LRP1B: variants seen among roughly 807,000 people sequenced by gnomAD.
LRP1B encodes the protein LDL receptor related protein 1B, also known as low-density lipoprotein receptor-related protein 1B.
In LRP1B, 217 loss-of-function variants were observed where a neutral mutation model predicts 556.6. That is an observed-to-expected ratio of 0.39 (90% CI 0.35 to 0.44). The LOEUF (loss-of-function observed/expected upper bound fraction) is 0.44, where lower values mean the gene tolerates loss of function less well. Ranked by LOEUF, LRP1B falls within the 20% of genes least tolerant of loss-of-function variation. The pLI, the probability that LRP1B is intolerant of heterozygous loss-of-function variation, is 1.00. For synonymous variants in LRP1B, 2,047 were observed against 1,865.8 expected (o/e 1.10, Z -2.50); for missense variants, 5,053 against 5,620.8 (o/e 0.90, Z 3.23).
intron 4 of LRP1B, among the ~76,000 whole-genome samples, chr2:141,251,075 C>T (rs1684243155): frequency 6.6e-6 from 1 of 152,078 alleles, no homozygotes; most frequent in African/African-American, 2.4e-5. Context: ...AGGAAAAGAG[C>T]TGAGTTTTAC....
At chr2:140,354,650 A>G (rs1682128228) in intron 75 of LRP1B, among the ~76,000 whole-genome samples, 2 of 151,748 alleles carry the variant, frequency 1.3e-5, no homozygotes, top group Admixed American at 6.6e-5. Context: ...TACAACCTCA[A>G]CTTCCTCACT....
Position 141,538,741 on chromosome 2 carries a change from C to T in LRP1B, c.206-58208G>A, listed in dbSNP as rs1053664761. ...TTTAACCTCCACCTCCCGATTCAAG[C>T]AATTCTTGTGCTTTAGCCTCCCAAG... is the stretch of plus-strand genomic sequence containing the variant. On this transcript the variant is annotated intron_variant, in intron 2 of 90. Transcript: ENST00000389484. Among the ~76,000 whole-genome samples, 8 of 151,952 alleles carry T rather than the reference C, an allele frequency of 5.3e-5. No homozygotes were observed. The South Asian group carries it at 1.5e-3, about 28-fold the overall frequency.
At position 140,270,293 on chromosome 2, in the gene LRP1B, T is replaced by C. The variant is rs2104943862; in HGVS notation, c.13196A>G (p.Tyr4399Cys). The C allele has an allele frequency of 6.2e-7, 1 of 1,612,244 alleles. No individual in the cohort carries two copies. The highest frequency in any genetic ancestry group is 8.5e-7 in the Non-Finnish European group (1 of 1,178,752). The change falls in exon 86 of 91, where the codon TAC (tyrosine) becomes TGC (cysteine). Residue 4399 changes from tyrosine (Y) to cysteine (C), a missense_variant. Physicochemically the swap from Tyr to Cys is radical, Grantham distance 194. This residue lies in a region of LRP1B where 551 missense variants were observed against 592.0 expected (regional missense o/e 0.93). Coordinates refer to ENST00000389484, the MANE Select transcript of LRP1B (RefSeq NM_018557.3). ...SSCQLCDGYC[Y>C]NGGTCQLDPE... is the part of the protein sequence containing the mutation. ...GTCCAGCTGGCATGTGCCACCATTG[T>C]AACAGTAGCCATCACATAACTGACA...
intron 35 of LRP1B, among the ~76,000 whole-genome samples, chr2:140,734,992 A>G (rs932812535): frequency 2.0e-5 from 3 of 152,174 alleles, no homozygotes; most frequent in African/African-American, 7.2e-5. Context: ...ACAATCTTAC[A>G]TATCTAATCC....
At chr2:140,876,319 A>G (rs1025826673) in intron 25 of LRP1B, among the ~76,000 whole-genome samples, 2 of 152,148 alleles carry the variant, frequency 1.3e-5, no homozygotes, top group Non-Finnish European at 2.9e-5. Flanking sequence ...CACAATTTGG[A>G]GCATGTTTGT....
intron 2 of LRP1B, among the ~76,000 whole-genome samples, chr2:141,754,163 T>A (rs1354095706): frequency 6.6e-6 from 1 of 152,150 alleles, no homozygotes; most frequent in Non-Finnish European, 1.5e-5. Flanking sequence ...GGCATATCCC[T>A]AGAGTCTTCC....
chr2:140,799,869 G>A (rs1690445753), intron 32 of LRP1B, among the ~76,000 whole-genome samples: 1 of 152,082 alleles, frequency 6.6e-6, no homozygotes, highest in Admixed American at 6.6e-5. Flanking sequence ...TCCAACTGAG[G>A]TACCAGGTTC....
rs550495283 is a variant in LRP1B at position 141,150,541 on chromosome 2, A to G, written c.1013+37880T>C. 2.0e-5 allele frequency among the ~76,000 whole-genome samples: 3 copies of G among 152,300 alleles called. No individual in the cohort carries two copies. In the South Asian group the frequency reaches 6.2e-4, roughly 32 times the overall value. On this transcript the variant is annotated intron_variant, in intron 7 of 90. Coordinates refer to ENST00000389484, the MANE Select transcript of LRP1B (RefSeq NM_018557.3). ...TTTGGATTGGAGAAAGTACTCAGCA[A>G]TTTATAAGTCCAATTCATATTTCTT...
intron 53 of LRP1B, 97 bp from the exon 54 acceptor site, chr2:140,503,200 A>G (rs976210490): frequency 2.0e-6 from 2 of 988,806 alleles, no homozygotes; most frequent in African/African-American, 3.2e-5. Context: ...AATGTGGATT[A>G]CTCATGTCTC....
chr2:141,717,664 G>A lies in LRP1B; in HGVS notation c.205+92615C>T, dbSNP rs75095240. 1.3e-5 allele frequency among the ~76,000 whole-genome samples: 2 copies of A among 152,118 alleles called. 1 individual carries two copies. The highest frequency in any genetic ancestry group is 4.1e-4 in the South Asian group (2 of 4,828). ...TCTCTGAAAGGAAAAGCAGATCAAC[G>A]CACTTACCCCAGTCATGGGACATTT... is the stretch of plus-strand genomic sequence containing the variant. On this transcript the variant is annotated intron_variant, in intron 2 of 90. Coordinates refer to ENST00000389484, the MANE Select transcript of LRP1B (RefSeq NM_018557.3).
intron 1 of LRP1B, among the ~76,000 whole-genome samples, chr2:142,116,934 G>T (rs1459322443): frequency 1.3e-5 from 2 of 152,082 alleles, no homozygotes; most frequent in African/African-American, 2.4e-5. Context: ...CTCAGTATGA[G>T]AATTTGTCTA....
At chr2:141,928,556 A>G (rs1044591224) in intron 1 of LRP1B, among the ~76,000 whole-genome samples, 3 of 152,150 alleles carry the variant, frequency 2.0e-5, no homozygotes, top group African/African-American at 7.2e-5. Context: ...CTGCTATCAC[A>G]TGTACATCTG....
rs143852535 is a variant in LRP1B, at chr2:141,886,977, T to G, written c.83-76576A>C. ...ATTTTTCTTTTTCTTTTTTTTTTTTTTTGGGTTTTTTGTTTGTTTGTTTTG... is the reference window on the plus strand; with the variant it reads ...ATTTTTCTTTTTCTTTTTTTTTTTTGTTGGGTTTTTTGTTTGTTTGTTTTG... On this transcript the variant is annotated intron_variant, in intron 1 of 90. Transcript: ENST00000389484. 8.5e-4 allele frequency among the ~76,000 whole-genome samples: 44 copies of G among 51,920 alleles called. 1 individual carries two copies. Among genetic ancestry groups the G allele is most frequent in the African/African-American group, 5.3e-3 (39 of 7,346 alleles). The allele number at this position is 51,920 out of a possible 152,430, so 34.1% of individuals were successfully genotyped here.
chr2:141,461,123 G>T (rs893780085), intron 3 of LRP1B, among the ~76,000 whole-genome samples: 2 of 152,026 alleles, frequency 1.3e-5, no homozygotes, highest in Non-Finnish European at 2.9e-5. Context: ...ATTAAATAGA[G>T]AAGAGAACTC....
intron 3 of LRP1B, among the ~76,000 whole-genome samples, chr2:141,400,185 A>C (rs1334000126): frequency 6.6e-6 from 1 of 152,032 alleles, no homozygotes; most frequent in Admixed American, 6.6e-5. Flanking sequence ...TATGTTGTTC[A>C]TCAAGCTGGT....
chr2:140,910,955 G>A (rs974127373), intron 21 of LRP1B, among the ~76,000 whole-genome samples: 10 of 151,384 alleles, frequency 6.6e-5, no homozygotes, highest in African/African-American at 1.9e-4. Flanking sequence ...TTGCACAAGT[G>A]CACAAAGATA....
intron 35 of LRP1B, among the ~76,000 whole-genome samples, chr2:140,733,539 G>A (rs1448215417): frequency 2.0e-5 from 3 of 152,072 alleles, no homozygotes; most frequent in Non-Finnish European, 2.9e-5. Context: ...CCACAAAGGC[G>A]CACCCTACTA....
intron 1 of LRP1B, among the ~76,000 whole-genome samples, chr2:142,125,072 A>G (rs1001310552): frequency 6.6e-6 from 1 of 151,830 alleles, no homozygotes; most frequent in Non-Finnish European, 1.5e-5. Flanking sequence ...CTGACTCTAC[A>G]TTTTAATATC....
At chr2:140,399,164 TAC>T (rs67690255) in intron 66 of LRP1B, among the ~76,000 whole-genome samples, 3,335 of 121,848 alleles carry the variant, frequency 0.027, 45 homozygotes, top group Non-Finnish European at 0.03. Context: ...AAGACCAAGA[TAC>T]ACACACACAC....
Sources: allele counts gnomAD v4.1 joint callset (sites outside exome capture counted in the v4.1 genomes callset), GRCh38; gene constraint gnomAD v4.1.1; regional missense constraint gnomAD v4.1.1; transcripts MANE v1.5; gene names NCBI Gene and HGNC (gene_info 2026-07-23, HGNC 2026-07-21).